Variants in AKAP6 observed in about 807,000 individuals in gnomAD.
AKAP6 encodes A-kinase anchor protein 6.
A neutral mutation model predicts 188.5 loss-of-function variants in AKAP6; 58 were observed. That is an observed-to-expected ratio of 0.31 (90% CI 0.25 to 0.38). The LOEUF is 0.38. Among genes scored for constraint, AKAP6 ranks in the 10% least tolerant of loss-of-function variants. The pLI is 1.00. For missense variants in AKAP6, 2,710 were observed against 2,740.0 expected, an observed-to-expected ratio of 0.99 and a Z score of 0.24; for synonymous variants, 989 against 998.6, an observed-to-expected ratio of 0.99 and a Z score of 0.18.
intron 11 of AKAP6, among the ~76,000 whole-genome samples, chr14:32,749,268 T>C (rs1465535909): frequency 3.3e-5 from 5 of 152,214 alleles, no homozygotes; most frequent in African/African-American, 1.2e-4. Flanking sequence ...CTGTAAGAGC[T>C]ACCTTTTTCC....
intron 12 of AKAP6, among the ~76,000 whole-genome samples, chr14:32,804,971 G>T (rs1378444230): frequency 6.6e-6 from 1 of 152,080 alleles, no homozygotes; most frequent in Non-Finnish European, 1.5e-5. Flanking sequence ...GTCTTCCCTT[G>T]TTCCCTAAAA....
chr14:32,452,308 ACAGGTGTGGGC>A (rs1479047461), intron 2 of AKAP6, among the ~76,000 whole-genome samples: 1 of 152,178 alleles, frequency 6.6e-6, no homozygotes, highest in East Asian at 1.9e-4. Flanking sequence ...TGCTGGGATT[ACAGGTGTGGGC>A]CACCATGCCC....
intron 1 of AKAP6, among the ~76,000 whole-genome samples, chr14:32,357,966 A>G (rs1650805040): frequency 6.6e-6 from 1 of 152,184 alleles, no homozygotes; most frequent in Admixed American, 6.5e-5. Context: ...AGGTTTTCAG[A>G]TGAAAAAGGA....
chr14:32,502,232 A>G (rs1880642243), intron 2 of AKAP6, among the ~76,000 whole-genome samples: 1 of 152,132 alleles, frequency 6.6e-6, no homozygotes, highest in Non-Finnish European at 1.5e-5. Context: ...GTGCTTGGAT[A>G]AGCTGTTTTA....
intron 5 of AKAP6, among the ~76,000 whole-genome samples, chr14:32,586,502 C>T (rs1885257516): frequency 6.6e-6 from 1 of 152,100 alleles, no homozygotes; most frequent in Non-Finnish European, 1.5e-5. Flanking sequence ...TGGCGCGTGT[C>T]TGTAGTCCCA....
At chr14:32,627,055 C>T (rs1467938394) in intron 7 of AKAP6, among the ~76,000 whole-genome samples, 3 of 152,134 alleles carry the variant, frequency 2.0e-5, no homozygotes, top group Non-Finnish European at 4.4e-5. Context: ...ACATACCTGA[C>T]ACACTTATAG....
intron 9 of AKAP6, among the ~76,000 whole-genome samples, chr14:32,727,224 G>A (rs930724418): frequency 2.6e-5 from 4 of 152,186 alleles, no homozygotes; most frequent in African/African-American, 9.6e-5. Context: ...GAGACAGGTA[G>A]ACTTGGCGTC....
At chr14:32,570,167 T>C (rs1398135511) in intron 4 of AKAP6, among the ~76,000 whole-genome samples, 1 of 138,432 alleles carries the variant, frequency 7.2e-6, no homozygotes, top group Non-Finnish European at 1.5e-5. Flanking sequence ...AGTCTGTCTC[T>C]GTCACCAAAC....
intron 13 of AKAP6, among the ~76,000 whole-genome samples, chr14:32,827,159 G>C (rs1446806940): frequency 6.6e-6 from 1 of 152,056 alleles, no homozygotes; most frequent in Non-Finnish European, 1.5e-5. Context: ...TTAATGTCAA[G>C]AATACATAGT....
chr14:32,554,783 C>G (rs896676816), intron 4 of AKAP6, among the ~76,000 whole-genome samples: 2 of 152,144 alleles, frequency 1.3e-5, no homozygotes, highest in Non-Finnish European at 2.9e-5. Context: ...GAAAGCAGCA[C>G]AGGGTATGCC....
chr14:32,808,590 G>A (rs190467899), intron 12 of AKAP6, among the ~76,000 whole-genome samples: 155 of 152,304 alleles, frequency 1.0e-3, no homozygotes, highest in African/African-American at 3.6e-3. Context: ...AATAATCCAT[G>A]CTTTTTGCTC....
chr14:32,670,574 A>C (rs114446493), intron 7 of AKAP6, among the ~76,000 whole-genome samples: 475 of 152,286 alleles, frequency 3.1e-3, no homozygotes, highest in African/African-American at 0.011. Context: ...CCAGTAACAA[A>C]ATTATTACCA....
chr14:32,560,130 A>G (rs535783706), intron 4 of AKAP6, among the ~76,000 whole-genome samples: 3 of 152,186 alleles, frequency 2.0e-5, no homozygotes, highest in Non-Finnish European at 2.9e-5. Context: ...TACACAGTAG[A>G]TGAATGGGGC....
At chr14:32,493,915 C>G (rs1880169082) in intron 2 of AKAP6, among the ~76,000 whole-genome samples, 1 of 152,058 alleles carries the variant, frequency 6.6e-6, no homozygotes, top group Non-Finnish European at 1.5e-5. Flanking sequence ...GAGGCAAAGC[C>G]TGGGAGCACT....
chr14:32,352,101 G>T (rs77933252), intron 1 of AKAP6, among the ~76,000 whole-genome samples: 16,926 of 110,146 alleles, frequency 0.15, 982 homozygotes, highest in East Asian at 0.42. Context: ...GTGTGTGTGT[G>T]TTTGTGTGTG....
intron 7 of AKAP6, among the ~76,000 whole-genome samples, chr14:32,661,563 G>C (rs897415336): frequency 3.3e-5 from 5 of 152,100 alleles, no homozygotes; most frequent in Non-Finnish European, 7.4e-5. Flanking sequence ...CTTGCAGAAA[G>C]TGACCCAAGT....
intron 4 of AKAP6, among the ~76,000 whole-genome samples, chr14:32,574,611 G>A (rs926428842): frequency 8.5e-5 from 13 of 152,066 alleles, no homozygotes; most frequent in African/African-American, 2.2e-4. Context: ...TTCAAATAAC[G>A]TCTTTCACTA....
At chr14:32,633,782 A>G (rs762297611) in intron 7 of AKAP6, among the ~76,000 whole-genome samples, 33 of 152,130 alleles carry the variant, frequency 2.2e-4, no homozygotes, top group Non-Finnish European at 4.6e-4. Flanking sequence ...TTGTTACTGC[A>G]GCAAAGCCTA....
intron 2 of AKAP6, among the ~76,000 whole-genome samples, chr14:32,471,522 A>C (rs900773994): frequency 6.6e-6 from 1 of 152,212 alleles, no homozygotes; most frequent in Non-Finnish European, 1.5e-5. Flanking sequence ...GGGGGAATCC[A>C]AGTCCATGGC....
Sources: gnomAD v4.1 joint callset for allele counts (sites outside exome capture counted in the v4.1 genomes callset) on GRCh38, gnomAD v4.1.1 for gene constraint, MANE v1.5 for transcripts, NCBI Gene and HGNC (gene_info 2026-07-23, HGNC 2026-07-21) for gene names.